PCSK5: variants seen among roughly 807,000 people sequenced by gnomAD.
PCSK5 encodes proprotein convertase subtilisin/kexin type 5.
Under a neutral mutation model 233.2 loss-of-function variants are expected in PCSK5, and 129 were observed. The ratio of observed to expected loss-of-function variants is 0.55; its 90% confidence interval spans 0.48 to 0.64. The LOEUF is 0.64. PCSK5 is among the 30% of genes least tolerant of loss of function. The pLI, the probability that PCSK5 is intolerant of heterozygous loss-of-function variation, is 0.00. For missense variants in PCSK5, 2,076 were observed against 2,430.1 expected, an observed-to-expected ratio of 0.85 and a Z score of 3.06; for synonymous variants, 825 against 879.2, an observed-to-expected ratio of 0.94 and a Z score of 1.09.
At chr9:76,008,317 T>C (rs1827571977) in intron 3 of PCSK5, among the ~76,000 whole-genome samples, 1 of 152,190 alleles carries the variant, frequency 6.6e-6, no homozygotes, top group Non-Finnish European at 1.5e-5. Context: ...TCATAGTTTC[T>C]CTTTGTTTTA....
chr9:75,929,844 A>C (rs1272144555), intron 1 of PCSK5, among the ~76,000 whole-genome samples: 1 of 151,322 alleles, frequency 6.6e-6, no homozygotes, highest in African/African-American at 2.4e-5. Flanking sequence ...GTTTCCCCTT[A>C]TAAAACTGTC....
At chr9:76,140,881 T>C (rs1823187226) in intron 10 of PCSK5, among the ~76,000 whole-genome samples, 1 of 152,142 alleles carries the variant, frequency 6.6e-6, no homozygotes, top group Non-Finnish European at 1.5e-5. Flanking sequence ...GTTTAAAATA[T>C]GATTTTTAGC....
chr9:76,050,715 T>C (rs1056659913), intron 5 of PCSK5, among the ~76,000 whole-genome samples: 9 of 152,244 alleles, frequency 5.9e-5, no homozygotes, highest in Non-Finnish European at 1.3e-4. Context: ...AGTCTTGCAA[T>C]GCCCCTGTCA....
intron 2 of PCSK5, among the ~76,000 whole-genome samples, chr9:75,961,953 G>A (rs543825400): frequency 7.2e-5 from 11 of 152,084 alleles, no homozygotes; most frequent in African/African-American, 1.7e-4. Context: ...CTGTATCCCC[G>A]GCGCTGTGCT....
intron 9 of PCSK5, among the ~76,000 whole-genome samples, chr9:76,121,077 A>C (rs1293641668): frequency 6.6e-6 from 1 of 152,108 alleles, no homozygotes; most frequent in Non-Finnish European, 1.5e-5. Context: ...AAGGGTTCAC[A>C]CTTAGATCCT....
chr9:76,095,805 C>G, intron 7 of PCSK5, 85 bp from the exon 8 acceptor site: 1 of 1,182,770 alleles, frequency 8.5e-7, no homozygotes, highest in Non-Finnish European at 1.3e-6. Flanking sequence ...CCCACCTGCA[C>G]CTACTCAGTT....
intron 5 of PCSK5, among the ~76,000 whole-genome samples, chr9:76,028,792 C>T (rs1268640303): frequency 6.6e-6 from 1 of 152,068 alleles, no homozygotes; most frequent in African/African-American, 2.4e-5. Context: ...CAGGAGAGGG[C>T]TATTATCAGT....
chr9:76,237,710 G>A (rs1365583898), intron 22 of PCSK5, among the ~76,000 whole-genome samples: 1 of 152,096 alleles, frequency 6.6e-6, no homozygotes, highest in Non-Finnish European at 1.5e-5. Flanking sequence ...CAGGAGAGGA[G>A]GTTGCAGTAA....
intron 2 of PCSK5, among the ~76,000 whole-genome samples, chr9:75,974,246 G>T (rs1825921339): frequency 6.6e-6 from 1 of 152,140 alleles, no homozygotes; most frequent in Non-Finnish European, 1.5e-5. Context: ...TTCCCGTAGG[G>T]CTGGCGTAGG....
chr9:76,050,888 C>G (rs1220739787), intron 5 of PCSK5, among the ~76,000 whole-genome samples: 1 of 152,140 alleles, frequency 6.6e-6, no homozygotes, highest in African/African-American at 2.4e-5. Flanking sequence ...ATTTTCTGCT[C>G]CTCCCCTGTC....
intron 1 of PCSK5, among the ~76,000 whole-genome samples, chr9:75,907,494 C>G (rs765874879): frequency 3.3e-5 from 5 of 152,152 alleles, no homozygotes; most frequent in Non-Finnish European, 5.9e-5. Flanking sequence ...GGGAAATAGC[C>G]TAGCCCTTAT....
chr9:76,309,546 T>A (rs917649707), intron 29 of PCSK5, among the ~76,000 whole-genome samples: 12 of 151,926 alleles, frequency 7.9e-5, no homozygotes, highest in Non-Finnish European at 1.6e-4. Context: ...ATACAAAAAT[T>A]AGCCACATGT....
chr9:76,144,181 A>C (rs1823343204), intron 10 of PCSK5, among the ~76,000 whole-genome samples: 1 of 152,172 alleles, frequency 6.6e-6, no homozygotes, highest in African/African-American at 2.4e-5. Flanking sequence ...TAGTAGTCTT[A>C]AGAAGCTGTA....
chr9:76,009,961 T>A (rs1010548567), intron 3 of PCSK5, among the ~76,000 whole-genome samples: 1 of 152,170 alleles, frequency 6.6e-6, no homozygotes, highest in Admixed American at 6.5e-5. Flanking sequence ...ACGGGATGCA[T>A]GTGCGCTGCA....
At position 75,967,543 on chromosome 9, in the gene PCSK5, G is replaced by T. The variant is rs148498059; in HGVS notation, c.298-18589G>T. 3.0e-4 allele frequency among the ~76,000 whole-genome samples: 46 copies of T among 152,328 alleles called. No homozygotes were observed. The East Asian group carries it at 8.5e-3, about 28-fold the overall frequency. Reference sequence around the variant, plus strand: ...CTTAAGGGAACAGCTTTCACAAACAGTCCTTGAGGATTAAGCTTGGGTGCC... The same window carrying T: ...CTTAAGGGAACAGCTTTCACAAACATTCCTTGAGGATTAAGCTTGGGTGCC... On this transcript the variant is annotated intron_variant, in intron 2 of 37. Coordinates refer to ENST00000674117, the MANE Select transcript of PCSK5 (RefSeq NM_001372043.1).
At chr9:76,249,011 C>T (rs578112359) in intron 24 of PCSK5, among the ~76,000 whole-genome samples, 1 of 152,208 alleles carries the variant, frequency 6.6e-6, no homozygotes, top group Admixed American at 6.5e-5. Context: ...AGTCCTCCCA[C>T]CTTGGCCTCC....
At chr9:75,942,469 C>T (rs760137322) in intron 2 of PCSK5, among the ~76,000 whole-genome samples, 1 of 152,132 alleles carries the variant, frequency 6.6e-6, no homozygotes, top group East Asian at 1.9e-4. Flanking sequence ...TTATGTACCA[C>T]GGTGGGGGCT....
intron 12 of PCSK5, among the ~76,000 whole-genome samples, chr9:76,160,703 C>T (rs1822816364): frequency 6.6e-6 from 1 of 152,070 alleles, no homozygotes; most frequent in Admixed American, 6.5e-5. Flanking sequence ...TACTATAGGA[C>T]AGTGAGAAAA....
At chr9:76,299,107 A>T (rs2842477) in intron 27 of PCSK5, among the ~76,000 whole-genome samples, 108,344 of 152,078 alleles carry the variant, frequency 0.71, 39,123 homozygotes, top group East Asian at 0.95. Flanking sequence ...TGAGAATGAC[A>T]ACAGTGAGAG....
Sources: gnomAD v4.1 joint callset for allele counts (sites outside exome capture counted in the v4.1 genomes callset) on GRCh38, gnomAD v4.1.1 for gene constraint, MANE v1.5 for transcripts, NCBI Gene and HGNC (gene_info 2026-07-23, HGNC 2026-07-21) for gene names.